THADA: variants seen among roughly 807,000 people sequenced by gnomAD.
THADA encodes tRNA (32-2'-O)-methyltransferase regulator THADA.
In THADA, 213 loss-of-function variants were observed where a neutral mutation model predicts 219.8. That is an observed-to-expected ratio of 0.97 (90% CI 0.87 to 1.09). The LOEUF is 1.09. Among genes scored for constraint, THADA ranks in the 50% least tolerant of loss-of-function variants. The pLI is 0.00. For missense variants in THADA, 2,956 were observed against 2,311.3 expected, an observed-to-expected ratio of 1.28 and a Z score of -5.72; for synonymous variants, 1,018 against 828.9, an observed-to-expected ratio of 1.23 and a Z score of -3.92.
At chr2:43,511,045 G>T (rs184743720) in intron 22 of THADA, among the ~76,000 whole-genome samples, 2 of 151,394 alleles carry the variant, frequency 1.3e-5, no homozygotes, top group East Asian at 3.9e-4. Context: ...AAGAAGAAAA[G>T]AAGCTGGAAT....
intron 30 of THADA, among the ~76,000 whole-genome samples, chr2:43,329,209 G>A (rs1306134503): frequency 6.6e-6 from 1 of 152,246 alleles, no homozygotes; most frequent in African/African-American, 2.4e-5. Flanking sequence ...AATTATGGGA[G>A]AAAAGTAGTA....
chr2:43,578,444 GC>G, intron 9 of THADA, 68 bp downstream of exon 9: 1 of 1,326,464 alleles, frequency 7.5e-7, no homozygotes, highest in Non-Finnish European at 1.1e-6. Flanking sequence ...ACTGCACCAA[GC>G]CAAAATTATT....
chr2:43,306,350 G>A (rs962541808), intron 31 of THADA, among the ~76,000 whole-genome samples: 1 of 152,164 alleles, frequency 6.6e-6, no homozygotes, highest in South Asian at 2.1e-4. Context: ...CGAAGAACAG[G>A]ATTGGGAATC....
chr2:43,400,482 T>TATATATATATATATATATATATATAC (rs1553427586), intron 28 of THADA, among the ~76,000 whole-genome samples: 4 of 146,728 alleles, frequency 2.7e-5, no homozygotes, highest in Admixed American at 6.8e-5. Context: ...TATATAAATA[T>TATATATATATATATATATATATATAC]ATACACTAAG....
At position 43,385,803 on chromosome 2, in the gene THADA, T is replaced by C. The variant is rs558230134; in HGVS notation, c.4227+12168A>G. ...TCTCTTTGAAGATTAACAAAGGTGA[T>C]AGAATTTGCTGGCACTTGTAAACTC... On this transcript the variant is annotated intron_variant, in intron 29 of 37. Transcript: ENST00000405975. 8.7e-4 allele frequency among the ~76,000 whole-genome samples: 132 copies of C among 151,774 alleles called. No individual in the cohort carries two copies. The South Asian group carries it at 1.0e-2, about 11-fold the overall frequency.
At chr2:43,350,081 T>C (rs895277015) in intron 29 of THADA, among the ~76,000 whole-genome samples, 1 of 152,224 alleles carries the variant, frequency 6.6e-6, no homozygotes, top group Non-Finnish European at 1.5e-5. Context: ...TATAGGGTGA[T>C]GTCAGGCCCC....
At chr2:43,586,190 A>G (rs1165491973) in intron 7 of THADA, among the ~76,000 whole-genome samples, 2 of 152,270 alleles carry the variant, frequency 1.3e-5, no homozygotes, top group African/African-American at 4.8e-5. Flanking sequence ...ACTTGAGCCC[A>G]GGAGGTTGAG....
chr2:43,362,767 C>T (rs946406723), intron 29 of THADA, among the ~76,000 whole-genome samples: 19 of 152,204 alleles, frequency 1.2e-4, no homozygotes, highest in Non-Finnish European at 2.6e-4. Context: ...TTTTTAAAAA[C>T]TGTTTGTTTT....
chr2:43,428,289 C>T, intron 27 of THADA, 58 bp from the exon 28 acceptor site: 9 of 1,479,780 alleles, frequency 6.1e-6, no homozygotes, highest in Non-Finnish European at 8.2e-6. Flanking sequence ...AAGCACTCCT[C>T]CTTCAAACAT....
intron 36 of THADA, among the ~76,000 whole-genome samples, chr2:43,259,748 G>A (rs1017405741): frequency 5.9e-5 from 9 of 152,168 alleles, no homozygotes; most frequent in African/African-American, 1.9e-4. Context: ...GAATATTTAG[G>A]TTATTCCTTT....
At chr2:43,308,478 G>A (rs1677106629) in intron 31 of THADA, among the ~76,000 whole-genome samples, 2 of 152,282 alleles carry the variant, frequency 1.3e-5, no homozygotes, top group East Asian at 3.9e-4. Context: ...GCCACGATAG[G>A]AGGAGTGCTT....
intron 31 of THADA, among the ~76,000 whole-genome samples, chr2:43,297,520 GGCCAGCCGT>G (rs1237013084): frequency 1.4e-4 from 15 of 110,734 alleles, no homozygotes; most frequent in Non-Finnish European, 2.5e-4. Flanking sequence ...CCCCCCGCCC[GGCCAGCCGT>G]GCCGTCCGGG....
intron 25 of THADA, among the ~76,000 whole-genome samples, chr2:43,487,237 G>C (rs992442493): frequency 5.7e-4 from 86 of 152,030 alleles, no homozygotes; most frequent in African/African-American, 1.9e-3. Flanking sequence ...AAGATGACTT[G>C]GTAAAGATAT....
At chr2:43,247,962 G>C (rs1045218207) in intron 36 of THADA, among the ~76,000 whole-genome samples, 14 of 151,032 alleles carry the variant, frequency 9.3e-5, no homozygotes, top group African/African-American at 2.9e-4. Flanking sequence ...AGGATTACTG[G>C]AGCCTCAGAG....
intron 28 of THADA, among the ~76,000 whole-genome samples, chr2:43,414,678 C>A (rs1409926128): frequency 6.6e-6 from 1 of 152,156 alleles, no homozygotes; most frequent in Non-Finnish European, 1.5e-5. Flanking sequence ...GAAAAACATG[C>A]CCCAAATGAA....
At chr2:43,234,224 C>G (rs559967575) in intron 36 of THADA, among the ~76,000 whole-genome samples, 2 of 152,218 alleles carry the variant, frequency 1.3e-5, no homozygotes, top group Non-Finnish European at 2.9e-5. Context: ...ATGCAAAGCG[C>G]AGATTTGGAG....
At chr2:43,526,860 GTA>G (rs1443132047) in intron 22 of THADA, among the ~76,000 whole-genome samples, 1 of 152,108 alleles carries the variant, frequency 6.6e-6, no homozygotes, top group Non-Finnish European at 1.5e-5. Flanking sequence ...CACACTGCTG[GTA>G]TTCATACATT....
chr2:43,577,035 T>C lies in THADA; in HGVS notation c.1024A>G (p.Thr342Ala). 6.2e-7 allele frequency: 1 copy of C among 1,612,728 alleles called. No homozygotes were observed. The change falls in exon 10 of 38, where the codon ACC (threonine) becomes GCC (alanine). Residue 342 changes from threonine to alanine, a missense_variant. Thr to Ala is a moderately conservative substitution (Grantham distance 58). Transcript: ENST00000405975. ...LLLDTAHVLFTLSSQIKEPTL... is the reference protein window; with the variant it reads ...LLLDTAHVLFALSSQIKEPTL... ...ATCAAAACTCACTGTGAACTCAAGG[T>C]GAACAAAACATGTGCAGTATCCAAG...
At chr2:43,436,834 G>A (rs1305752974) in intron 26 of THADA, among the ~76,000 whole-genome samples, 1 of 152,152 alleles carries the variant, frequency 6.6e-6, no homozygotes, top group Admixed American at 6.5e-5. Context: ...GGAGTACTAA[G>A]TGTGTCCTTG....
Sources: allele counts gnomAD v4.1 joint callset (sites outside exome capture counted in the v4.1 genomes callset), GRCh38; gene constraint gnomAD v4.1.1; transcripts MANE v1.5; gene names NCBI Gene and HGNC (gene_info 2026-07-23, HGNC 2026-07-21).